WDR19: variants seen among roughly 807,000 people sequenced by gnomAD.
The protein encoded by WDR19 is WD repeat-containing protein 19.
Under a neutral mutation model 180.0 loss-of-function variants are expected in WDR19, and 121 were observed. The observed-to-expected ratio is 0.67, with a 90% CI of 0.58 to 0.78. The LOEUF (loss-of-function observed/expected upper bound fraction) is 0.78. Among genes scored for constraint, WDR19 ranks in the 30% least tolerant of loss-of-function variants. The probability of loss-of-function intolerance (pLI) is 0.00; values close to 1 mark genes in which losing one functional copy is unlikely to be tolerated. For missense variants in WDR19, 1,450 were observed against 1,640.7 expected (o/e 0.88, Z 2.01); for synonymous variants, 497 against 540.7 (o/e 0.92, Z 1.12).
intron 6 of WDR19, 29 bp downstream of exon 6, chr4:39,199,622 T>C (rs1167820531): frequency 1.3e-6 from 2 of 1,547,492 alleles, no homozygotes; most frequent in East Asian, 2.3e-5. Context: ...TTTGGTCTGA[T>C]ATATTCAAGC....
At chr4:39,240,240 T>A in intron 20 of WDR19, 37 bp from the exon 21 acceptor site, 1 of 1,082,822 alleles carries the variant, frequency 9.2e-7, no homozygotes. Context: ...AAAATATATA[T>A]TAAAATTATT....
intron 33 of WDR19, among the ~76,000 whole-genome samples, chr4:39,276,223 A>G (rs1300055396): frequency 1.3e-5 from 2 of 152,208 alleles, no homozygotes; most frequent in Non-Finnish European, 2.9e-5. Flanking sequence ...CTCATGGCAG[A>G]GAGCTCTAAG....
intron 36 of WDR19, among the ~76,000 whole-genome samples, chr4:39,284,285 A>T (rs1173125738): frequency 1.4e-5 from 2 of 147,934 alleles, no homozygotes; most frequent in African/African-American, 2.5e-5. Flanking sequence ...ATTAGTTTTG[A>T]TCTATATTCT....
chr4:39,184,834 C>T (rs1490025246), intron 1 of WDR19, among the ~76,000 whole-genome samples: 1 of 152,024 alleles, frequency 6.6e-6, no homozygotes, highest in Non-Finnish European at 1.5e-5. Context: ...CACTGAAACT[C>T]ATATTCCTAA....
rs1383452852 is a variant in WDR19, at chr4:39,244,502, A to C, written c.2595A>C (p.Lys865Asn). Residue 865 changes from lysine to asparagine, a missense_variant, in exon 23 of 37, where the codon AAA becomes AAC. Coordinates refer to ENST00000399820, the MANE Select transcript of WDR19 (RefSeq NM_025132.4). ...QFSEAAQLYEKGLYYDKAASV... is the reference protein window; with the variant it reads ...QFSEAAQLYENGLYYDKAASV... ...CAGAAGCGGCCCAACTGTATGAAAA[A>C]GGTCTCTACTACGATAAAGCAGCAT... is the stretch of plus-strand genomic sequence containing the variant. 1.9e-6 allele frequency: 3 copies of C among 1,614,002 alleles called. No homozygotes were observed. Among genetic ancestry groups the C allele is most frequent in the Non-Finnish European group, 2.5e-6 (3 of 1,179,884 alleles).
intron 20 of WDR19, among the ~76,000 whole-genome samples, chr4:39,239,979 C>A (rs147805119): frequency 7.4e-4 from 113 of 152,098 alleles, no homozygotes; most frequent in African/African-American, 2.6e-3. Context: ...TCAAGACCAG[C>A]CTTGGCAACA....
intron 36 of WDR19, among the ~76,000 whole-genome samples, chr4:39,284,045 G>A (rs1446452477): frequency 6.6e-6 from 1 of 152,070 alleles, no homozygotes; most frequent in Non-Finnish European, 1.5e-5. Flanking sequence ...ACTTGCCTGG[G>A]TGTGGTTTTT....
chr4:39,230,229 G>A (rs143540081), intron 17 of WDR19, among the ~76,000 whole-genome samples: 1 of 152,232 alleles, frequency 6.6e-6, no homozygotes, highest in Non-Finnish European at 1.5e-5. Context: ...TGTTCCACTG[G>A]CTGCTGAAAT....
intron 31 of WDR19, among the ~76,000 whole-genome samples, chr4:39,272,600 C>T (rs1578047140): frequency 2.0e-5 from 3 of 152,212 alleles, no homozygotes; most frequent in African/African-American, 7.2e-5. Context: ...AGCACAGACA[C>T]GGCGCCTTTC....
chr4:39,183,647 T>A (rs1214499215), intron 1 of WDR19, among the ~76,000 whole-genome samples: 1 of 152,186 alleles, frequency 6.6e-6, no homozygotes, highest in African/African-American at 2.4e-5. Context: ...ATAACTCCCA[T>A]TTTTATTTCT....
intron 20 of WDR19, chr4:39,237,785 C>T (rs1731524195): frequency 6.6e-6 from 1 of 152,236 alleles, no homozygotes; most frequent in Non-Finnish European, 1.5e-5. Context: ...CCTCCACCTG[C>T]ATCCTGAGGA....
chr4:39,235,694 C>T (rs1371647145), intron 20 of WDR19, among the ~76,000 whole-genome samples: 1 of 151,916 alleles, frequency 6.6e-6, no homozygotes, highest in Non-Finnish European at 1.5e-5. Flanking sequence ...ACAGAGCAAA[C>T]ACAACCAACA....
chr4:39,256,398 C>T (rs1011741540), intron 27 of WDR19, among the ~76,000 whole-genome samples: 2 of 152,270 alleles, frequency 1.3e-5, no homozygotes, highest in South Asian at 2.1e-4. Flanking sequence ...GGTAAAGCTG[C>T]GCTTTGTTCA....
At chr4:39,224,259 TAG>T (rs1402895900) in intron 14 of WDR19, among the ~76,000 whole-genome samples, 1 of 152,194 alleles carries the variant, frequency 6.6e-6, no homozygotes, top group Non-Finnish European at 1.5e-5. Context: ...TCCTATATAA[TAG>T]GGGTATTTCT....
chr4:39,222,706 TTTAA>T (rs1314188721), intron 14 of WDR19, among the ~76,000 whole-genome samples: 2 of 152,184 alleles, frequency 1.3e-5, no homozygotes, highest in African/African-American at 4.8e-5. Context: ...TTTTTTAAAT[TTTAA>T]TTAAACTTTC....
At chr4:39,228,072 T>C (rs1377970420) in intron 15 of WDR19, 138 bp from the exon 16 acceptor site, 5 of 819,990 alleles carry the variant, frequency 6.1e-6, no homozygotes, top group African/African-American at 1.7e-5. Context: ...CTTTCTTTCC[T>C]GTTGTTGTTG....
At chr4:39,213,400 C>T (rs1285866209) in intron 9 of WDR19, among the ~76,000 whole-genome samples, 1 of 152,204 alleles carries the variant, frequency 6.6e-6, no homozygotes, top group African/African-American at 2.4e-5. Context: ...TAAAAAGGAA[C>T]AACCTATTGA....
At chr4:39,257,619 T>G (rs1733890645) in intron 28 of WDR19, 65 bp downstream of exon 28, 2 of 1,444,712 alleles carry the variant, frequency 1.4e-6, no homozygotes, top group African/African-American at 2.8e-5. Context: ...TGAAAAAAAT[T>G]TTAAATATAT....
chr4:39,210,142 A>G (rs1414601882), intron 9 of WDR19, among the ~76,000 whole-genome samples: 1 of 152,232 alleles, frequency 6.6e-6, no homozygotes, highest in Non-Finnish European at 1.5e-5. Context: ...TCTAGAAAAT[A>G]AAGAGTAGAG....
Sources: allele counts gnomAD v4.1 joint callset (sites outside exome capture counted in the v4.1 genomes callset), GRCh38; gene constraint gnomAD v4.1.1; transcripts MANE v1.5; gene names NCBI Gene and HGNC (gene_info 2026-07-23, HGNC 2026-07-21).